The following FAM107B variants were observed in gnomAD, a reference collection of about 807,000 sequenced individuals.
FAM107B encodes protein FAM107B.
Under a neutral mutation model 31.5 loss-of-function variants are expected in FAM107B, and 21 were observed. The ratio of observed to expected loss-of-function variants is 0.67; its 90% CI spans 0.47 to 0.96. The LOEUF (loss-of-function observed/expected upper bound fraction) is 0.96, where lower values mean the gene tolerates loss of function less well. FAM107B is among the 40% of genes least tolerant of loss of function. FAM107B has a pLI of 0.00. For synonymous variants in FAM107B, 157 were observed against 141.5 expected, an observed-to-expected ratio of 1.11 and a Z score of -0.78; for missense variants, 452 against 377.1, an observed-to-expected ratio of 1.20 and a Z score of -1.64.
rs542562880 is a variant in FAM107B at position 14,520,253 on chromosome 10, G to A, written c.*937C>T. The A allele has an allele frequency of 6.6e-6, 1 of 152,302 alleles. No individual in the cohort carries two copies. Among genetic ancestry groups the A allele is most frequent in the South Asian group, 2.1e-4 (1 of 4,822 alleles). 9.4% of individuals were successfully genotyped at this position (152,302 alleles called of 1,614,324 possible). A position where few individuals can be genotyped will look rare whatever the true frequency, so the allele number is the denominator to read the frequency against. ...CACTTATTTCACATTAGAATGCCTA[G>A]AGAAATCCTGACTGCCCAGCTGGTC... On this transcript the variant is annotated 3_prime_UTR_variant, in exon 5 of 5. Transcript: ENST00000181796.
intron 2 of FAM107B, among the ~76,000 whole-genome samples, chr10:14,648,399 G>A (rs1853817159): frequency 6.6e-6 from 1 of 152,216 alleles, no homozygotes; most frequent in Admixed American, 6.5e-5. Flanking sequence ...AGAGGCGCCT[G>A]TTGCTAGGGA....
intron 2 of FAM107B, among the ~76,000 whole-genome samples, chr10:14,659,549 A>C (rs1460994322): frequency 6.6e-6 from 1 of 152,180 alleles, no homozygotes; most frequent in Admixed American, 6.5e-5. Context: ...TTTTTTTCTC[A>C]CCTTCCTACC....
Position 14,770,251 on chromosome 10 carries a change from G to A in FAM107B, c.411+4002C>T, listed in dbSNP as rs191482072. On this transcript the variant is annotated intron_variant, in intron 1 of 4. Coordinates refer to ENST00000181796, the MANE Select transcript of FAM107B (RefSeq NM_031453.4). The stretch of plus-strand genomic sequence containing the variant: ...TAAAAAAATAAACAGCAGACCTGGC[G>A]CGGTGGCTCACACCTGTAATCCCAG... Among the ~76,000 whole-genome samples, 55 of 152,256 alleles carry A rather than the reference G, an allele frequency of 3.6e-4. No homozygotes were observed. In the East Asian group the frequency reaches 9.3e-3, roughly 26 times the overall value.
intron 3 of FAM107B, among the ~76,000 whole-genome samples, chr10:14,526,622 G>C (rs1281423995): frequency 6.6e-6 from 1 of 152,116 alleles, no homozygotes; most frequent in Non-Finnish European, 1.5e-5. Context: ...CTTTTTCCAT[G>C]TTGTACAGCA....
At chr10:14,685,560 C>T (rs1366937197) in intron 1 of FAM107B, among the ~76,000 whole-genome samples, 2 of 152,126 alleles carry the variant, frequency 1.3e-5, no homozygotes, top group Non-Finnish European at 1.5e-5. Flanking sequence ...GTGCCCTTCT[C>T]GTGAGCCATT....
chr10:14,527,147 G>GT (rs1474670093), intron 3 of FAM107B, among the ~76,000 whole-genome samples: 2 of 143,708 alleles, frequency 1.4e-5, no homozygotes, highest in East Asian at 2.1e-4. Flanking sequence ...CTTCTTAATT[G>GT]TTTTTTTAAA....
At chr10:14,730,224 T>C (rs1856141477) in intron 1 of FAM107B, among the ~76,000 whole-genome samples, 5 of 152,204 alleles carry the variant, frequency 3.3e-5, no homozygotes, top group Admixed American at 3.3e-4. Flanking sequence ...AAAATATCTC[T>C]GAGGTGGTTT....
intron 1 of FAM107B, among the ~76,000 whole-genome samples, chr10:14,697,670 C>T (rs1210334773): frequency 6.6e-6 from 1 of 152,222 alleles, no homozygotes; most frequent in Non-Finnish European, 1.5e-5. Context: ...TTGCCTAGTG[C>T]TCAGACCTAT....
intron 2 of FAM107B, among the ~76,000 whole-genome samples, chr10:14,558,363 G>A (rs1340018053): frequency 4.6e-5 from 7 of 152,114 alleles, no homozygotes; most frequent in Non-Finnish European, 1.0e-4. Flanking sequence ...AAGACTCAGG[G>A]TAAACAAGAT....
intron 1 of FAM107B, among the ~76,000 whole-genome samples, chr10:14,757,462 T>C (rs1832953626): frequency 6.6e-6 from 1 of 151,912 alleles, no homozygotes; most frequent in Admixed American, 6.6e-5. Context: ...CTGTTCTGTG[T>C]TCTCTCTCTC....
intron 1 of FAM107B, among the ~76,000 whole-genome samples, chr10:14,687,967 T>C (rs1036048045): frequency 3.3e-4 from 51 of 152,316 alleles, no homozygotes; most frequent in African/African-American, 1.0e-3. Context: ...GGTTTGTCTG[T>C]AAGGGTATTG....
chr10:14,616,524 C>T (rs1327785404), intron 2 of FAM107B, among the ~76,000 whole-genome samples: 1 of 152,012 alleles, frequency 6.6e-6, no homozygotes, highest in Non-Finnish European at 1.5e-5. Flanking sequence ...ATGGAAAGAC[C>T]CAGTGGGTAT....
At chr10:14,530,645 G>A (rs7922221) in intron 2 of FAM107B, 130 bp from the exon 3 acceptor site, 626,400 of 761,924 alleles carry the variant, frequency 0.82, 259,600 homozygotes, top group Middle Eastern at 0.85. Flanking sequence ...CTGGGGCATC[G>A]CTGATAAATA....
At chr10:14,558,882 GA>G (rs1849951439) in intron 2 of FAM107B, among the ~76,000 whole-genome samples, 1 of 152,044 alleles carries the variant, frequency 6.6e-6, no homozygotes, top group South Asian at 2.1e-4. Context: ...ATTAGGAGAT[GA>G]AAACGCAGGA....
At chr10:14,588,907 C>T (rs1243180565) in intron 2 of FAM107B, among the ~76,000 whole-genome samples, 4 of 152,130 alleles carry the variant, frequency 2.6e-5, no homozygotes, top group Non-Finnish European at 5.9e-5. Context: ...TGAGGCTGGG[C>T]GCAGTGACTC....
At chr10:14,610,621 T>A (rs1233193413) in intron 2 of FAM107B, among the ~76,000 whole-genome samples, 1 of 152,232 alleles carries the variant, frequency 6.6e-6, no homozygotes, top group African/African-American at 2.4e-5. Context: ...AGGATCAAAA[T>A]GATATGCCCA....
chr10:14,608,218 A>T (rs1324064066), intron 2 of FAM107B, among the ~76,000 whole-genome samples: 1 of 152,106 alleles, frequency 6.6e-6, no homozygotes, highest in Non-Finnish European at 1.5e-5. Context: ...TGACATGTAT[A>T]CTCTTTTGTA....
chr10:14,760,335 T>G (rs759533721), intron 1 of FAM107B, among the ~76,000 whole-genome samples: 1 of 152,168 alleles, frequency 6.6e-6, no homozygotes, highest in Non-Finnish European at 1.5e-5. Flanking sequence ...GTTTGCAAAA[T>G]GAGGATAATC....
chr10:14,538,461 A>T (rs1004276177), intron 2 of FAM107B, among the ~76,000 whole-genome samples: 1 of 152,254 alleles, frequency 6.6e-6, no homozygotes, highest in Non-Finnish European at 1.5e-5. Flanking sequence ...AGCAAGATGC[A>T]GAAGAGTATA....
Sources: allele counts gnomAD v4.1 joint callset (sites outside exome capture counted in the v4.1 genomes callset), GRCh38; gene constraint gnomAD v4.1.1; transcripts MANE v1.5; gene names NCBI Gene and HGNC (gene_info 2026-07-23, HGNC 2026-07-21).